ADGRL2: variants seen among roughly 807,000 people sequenced by gnomAD.
ADGRL2 encodes calcium-independent alpha-latrotoxin receptor 2.
In ADGRL2, 44 loss-of-function variants were observed where a neutral mutation model predicts 157.4. That is an observed-to-expected ratio of 0.28 (90% CI 0.22 to 0.36). The LOEUF (loss-of-function observed/expected upper bound fraction) is 0.36. Ranked by LOEUF, ADGRL2 falls within the 10% of genes least tolerant of loss-of-function variation. The pLI, the probability that ADGRL2 is intolerant of heterozygous loss-of-function variation, is 1.00. For missense variants in ADGRL2, 1,510 were observed against 1,768.9 expected, an observed-to-expected ratio of 0.85 and a Z score of 2.63; for synonymous variants, 585 against 624.7, an observed-to-expected ratio of 0.94 and a Z score of 0.95.
rs781477095 is a variant in ADGRL2 at position 81,950,498 on chromosome 1, T to C, written c.1504+16T>C. The C allele has an allele frequency of 6.3e-7, 1 of 1,596,562 alleles. No individual in the cohort carries two copies. Among genetic ancestry groups the C allele is most frequent in the African/African-American group, 1.3e-5 (1 of 74,194 alleles). On this transcript the variant is annotated intron_variant, in intron 7 of 23. Transcript: ENST00000686636. ...GGAACAAGAGGTATTTTCTATAAACTACCATGCATACATTTTTCAATTTAG... is the reference window on the plus strand; with the variant it reads ...GGAACAAGAGGTATTTTCTATAAACCACCATGCATACATTTTTCAATTTAG...
chr1:81,908,326 C>T (rs532723301), intron 3 of ADGRL2, among the ~76,000 whole-genome samples: 1 of 152,310 alleles, frequency 6.6e-6, no homozygotes, highest in South Asian at 2.1e-4. Flanking sequence ...GTTCATCCCT[C>T]TTATCCTCCT....
rs184182063 is a variant in ADGRL2 at position 81,604,317 on chromosome 1, T to C, written c.-143+23337T>C. 2.9e-3 allele frequency among the ~76,000 whole-genome samples: 447 copies of C among 152,266 alleles called. 5 individuals are homozygous for C. The highest frequency in any genetic ancestry group is 0.01 in the African/African-American group (428 of 41,548). On this transcript the variant is annotated intron_variant, in intron 3 of 24. Coordinates refer to the ADGRL2 transcript ENST00000370721. ...TATAGATGAGCTACTTTGGTTGAAG[T>C]AGTGAGAGGAGGCCTGGAGCTCCTC...
At chr1:81,383,880 G>A (rs1166224252) in intron 1 of ADGRL2, among the ~76,000 whole-genome samples, 2 of 146,224 alleles carry the variant, frequency 1.4e-5, no homozygotes, top group Non-Finnish European at 3.0e-5. Flanking sequence ...CTCAAACCCA[G>A]GAGGCGGAGG....
chr1:81,679,085 G>T (rs2083054320), intron 3 of ADGRL2, among the ~76,000 whole-genome samples: 1 of 152,186 alleles, frequency 6.6e-6, no homozygotes, highest in Non-Finnish European at 1.5e-5. Flanking sequence ...AGATGCACAG[G>T]AAAGTAGGTG....
Position 81,984,704 on chromosome 1 carries a change from G to A in ADGRL2, c.3404G>A (p.Gly1135Asp). 1 of 1,612,314 alleles carries A rather than the reference G, an allele frequency of 6.2e-7. No homozygotes were observed. Among genetic ancestry groups the A allele is most frequent in the South Asian group, 1.1e-5 (1 of 90,976 alleles). ...AGAACCAGTGCTCGCTATTCCTCTG[G>A]CACACAGGTAACAAAGAGTTTGACA... Reference protein sequence around the residue: ...TTRTSARYSSGTQSRIRRMWN... With the variant: ...TTRTSARYSSDTQSRIRRMWN... The change falls in exon 20 of 24, where the codon GGC (glycine) becomes GAC (aspartate). Residue 1135 changes from glycine (G) to aspartate (D), a missense_variant. Gly to Asp is a moderately conservative substitution (Grantham distance 94). Coordinates refer to ENST00000686636, the MANE Select transcript of ADGRL2 (RefSeq NM_001366006.2).
chr1:81,743,306 C>T (rs2085132085), intron 1 of ADGRL2, among the ~76,000 whole-genome samples: 1 of 151,008 alleles, frequency 6.6e-6, no homozygotes, highest in Admixed American at 6.6e-5. Context: ...GGCAGGTCAG[C>T]AGCAATGGCT....
intron 3 of ADGRL2, among the ~76,000 whole-genome samples, chr1:81,581,131 G>C (rs1219757267): frequency 6.6e-6 from 1 of 152,154 alleles, no homozygotes; most frequent in East Asian, 1.9e-4. Flanking sequence ...ATTCTGTAGA[G>C]GGTTGATACT....
At chr1:81,461,230 C>G (rs1026502197) in intron 2 of ADGRL2, among the ~76,000 whole-genome samples, 3 of 152,094 alleles carry the variant, frequency 2.0e-5, no homozygotes, top group Non-Finnish European at 4.4e-5. Context: ...TAAAGCAGAA[C>G]AATCATACTA....
intron 3 of ADGRL2, among the ~76,000 whole-genome samples, chr1:81,691,416 G>T (rs1381544028): frequency 6.6e-6 from 1 of 151,598 alleles, no homozygotes; most frequent in Non-Finnish European, 1.5e-5. Flanking sequence ...TTGTAGAAAA[G>T]AAATAATAAT....
In ADGRL2 at chr1:81,323,302, T is replaced by C. The variant is rs181967119; in HGVS notation, c.-302+16793T>C. On this transcript the variant is annotated intron_variant, in intron 1 of 24. Coordinates refer to the ADGRL2 transcript ENST00000370721. The stretch of plus-strand genomic sequence containing the variant: ...TGTCACCCAGGCTGGAGTGTGGTGG[T>C]ATAATCAAGGTTCATCAGCCAAAAT... 1.6e-4 allele frequency among the ~76,000 whole-genome samples: 24 copies of C among 152,126 alleles called. No homozygotes were observed. The East Asian group carries it at 3.1e-3, about 20-fold the overall frequency.
chr1:81,491,434 C>G (rs1056901189), intron 2 of ADGRL2, among the ~76,000 whole-genome samples: 3 of 146,204 alleles, frequency 2.1e-5, no homozygotes, highest in Non-Finnish European at 4.4e-5. Flanking sequence ...GCTATATATA[C>G]TCTGCTTCAA....
intron 3 of ADGRL2, among the ~76,000 whole-genome samples, chr1:81,916,223 A>G (rs190963501): frequency 8.5e-4 from 130 of 152,296 alleles, no homozygotes; most frequent in Non-Finnish European, 1.6e-3. Context: ...ATCAGCTTTC[A>G]TAAGACTATT....
chr1:81,447,142 A>G (rs2077612097), intron 2 of ADGRL2, among the ~76,000 whole-genome samples: 2 of 152,162 alleles, frequency 1.3e-5, no homozygotes, highest in South Asian at 4.1e-4. Context: ...TGAAGCGCAT[A>G]TATTAATAAT....
chr1:81,608,578 C>T (rs1421874300), intron 3 of ADGRL2, among the ~76,000 whole-genome samples: 1 of 152,122 alleles, frequency 6.6e-6, no homozygotes, highest in Non-Finnish European at 1.5e-5. Flanking sequence ...TATGCTCATG[C>T]TGATTGTGGA....
intron 2 of ADGRL2, among the ~76,000 whole-genome samples, chr1:81,773,363 G>A (rs1028788894): frequency 6.6e-6 from 1 of 152,142 alleles, no homozygotes; most frequent in Non-Finnish European, 1.5e-5. Context: ...GATAATCATA[G>A]AAGACAATGA....
At chr1:81,502,187 C>G (rs2078867403) in intron 2 of ADGRL2, 46 of 1,594,032 alleles carry the variant, frequency 2.9e-5, no homozygotes, top group Non-Finnish European at 3.9e-5. Flanking sequence ...CAGAGTGGCA[C>G]CCATGTCCAA....
chr1:81,399,992 G>C, intron 1 of ADGRL2, among the ~76,000 whole-genome samples: 1 of 151,602 alleles, frequency 6.6e-6, no homozygotes, highest in Admixed American at 6.5e-5. Context: ...GGTTGGGAAA[G>C]GTGTAGTGAC....
chr1:81,312,735 G>T (rs995727750), intron 1 of ADGRL2, among the ~76,000 whole-genome samples: 1 of 152,198 alleles, frequency 6.6e-6, no homozygotes, highest in Non-Finnish European at 1.5e-5. Context: ...ATCGGATTCA[G>T]AGAGGGATGG....
chr1:81,844,264 C>T (rs762347165), intron 2 of ADGRL2, among the ~76,000 whole-genome samples: 2 of 152,104 alleles, frequency 1.3e-5, no homozygotes, highest in Middle Eastern at 3.2e-3. Flanking sequence ...TAGTGTATTA[C>T]AGGGAGTTTA....
Sources: gnomAD v4.1 joint callset for allele counts (sites outside exome capture counted in the v4.1 genomes callset) on GRCh38, gnomAD v4.1.1 for gene constraint, MANE v1.5 for transcripts, NCBI Gene and HGNC (gene_info 2026-07-23, HGNC 2026-07-21) for gene names.